Variants in DCC observed in about 807,000 individuals in gnomAD.
DCC encodes the protein netrin receptor DCC.
DCC carries 58 observed loss-of-function variants against 172.5 expected under a neutral mutation model. The ratio of observed to expected loss-of-function variants is 0.34; its 90% confidence interval spans 0.27 to 0.42. The LOEUF (loss-of-function observed/expected upper bound fraction) is 0.42, where lower values mean the gene tolerates loss of function less well. Among genes scored for constraint, DCC ranks in the 10% least tolerant of loss-of-function variants. DCC has a pLI of 1.00. For synonymous variants in DCC, 709 were observed against 644.5 expected, an observed-to-expected ratio of 1.10 and a Z score of -1.52; for missense variants, 1,740 against 1,791.0, an observed-to-expected ratio of 0.97 and a Z score of 0.51.
intron 1 of DCC, among the ~76,000 whole-genome samples, chr18:52,619,487 G>A (rs554623396): frequency 6.6e-6 from 1 of 152,286 alleles, no homozygotes; most frequent in African/African-American, 2.4e-5. Context: ...TTTTTGCCCA[G>A]TGGTAACATT....
intron 1 of DCC, among the ~76,000 whole-genome samples, chr18:52,470,708 C>T (rs936378772): frequency 1.3e-5 from 2 of 152,162 alleles, no homozygotes; most frequent in Non-Finnish European, 2.9e-5. Flanking sequence ...TCCCAACACA[C>T]AAAATAAACA....
At chr18:53,499,977 A>G (rs914521214) in intron 27 of DCC, among the ~76,000 whole-genome samples, 7 of 152,224 alleles carry the variant, frequency 4.6e-5, no homozygotes, top group Admixed American at 4.6e-4. Flanking sequence ...TTTATTTCAG[A>G]GTACTAGGCC....
intron 5 of DCC, among the ~76,000 whole-genome samples, chr18:52,928,326 A>G (rs954146111): frequency 6.6e-6 from 1 of 152,128 alleles, no homozygotes; most frequent in African/African-American, 2.4e-5. Context: ...CCAAAAAACT[A>G]TCGAGCACTA....
At chr18:53,290,606 A>T (rs148268498) in intron 12 of DCC, among the ~76,000 whole-genome samples, 1 of 152,250 alleles carries the variant, frequency 6.6e-6, no homozygotes, top group South Asian at 2.1e-4. Flanking sequence ...TTGCTTGAAG[A>T]TAGGCCGCTG....
chr18:53,449,630 A>G (rs1263313727), intron 22 of DCC, among the ~76,000 whole-genome samples: 2 of 152,216 alleles, frequency 1.3e-5, no homozygotes, highest in African/African-American at 4.8e-5. Flanking sequence ...GTGTTTCCTC[A>G]TAAACCATAG....
chr18:52,670,364 C>T (rs961716026), intron 1 of DCC, among the ~76,000 whole-genome samples: 1 of 152,140 alleles, frequency 6.6e-6, no homozygotes, highest in Admixed American at 6.5e-5. Flanking sequence ...ACTTAAGTGA[C>T]TCAGTCCTAA....
intron 17 of DCC, among the ~76,000 whole-genome samples, chr18:53,393,906 T>C (rs1421669809): frequency 7.1e-6 from 1 of 140,154 alleles, no homozygotes; most frequent in East Asian, 2.1e-4. Context: ...ATTCCCTCTC[T>C]CTCTCTCCCT....
chr18:53,405,866 G>C (rs1421381824), intron 19 of DCC, among the ~76,000 whole-genome samples: 1 of 152,098 alleles, frequency 6.6e-6, no homozygotes, highest in African/African-American at 2.4e-5. Context: ...AAATAAGCAA[G>C]AAGTGGCAGA....
chr18:52,386,149 C>T (rs1354740918), intron 1 of DCC, among the ~76,000 whole-genome samples: 2 of 152,042 alleles, frequency 1.3e-5, no homozygotes, highest in Non-Finnish European at 2.9e-5. Flanking sequence ...AAAACAGAGG[C>T]TCTGGGAGCC....
intron 12 of DCC, among the ~76,000 whole-genome samples, chr18:53,256,967 TG>T (rs1245080402): frequency 2.6e-5 from 4 of 152,212 alleles, no homozygotes; most frequent in African/African-American, 9.6e-5. Flanking sequence ...TTATTCTCTT[TG>T]AAGCAATTGT....
chr18:52,976,455 G>A (rs2041119758), intron 5 of DCC, among the ~76,000 whole-genome samples: 1 of 152,012 alleles, frequency 6.6e-6, no homozygotes, highest in South Asian at 2.1e-4. Flanking sequence ...TGCCTAGGTT[G>A]TAGGACCCCA....
intron 1 of DCC, among the ~76,000 whole-genome samples, chr18:52,516,145 G>A (rs1004675777): frequency 5.9e-5 from 9 of 152,028 alleles, no homozygotes; most frequent in Non-Finnish European, 1.3e-4. Flanking sequence ...ATTGCTGGTG[G>A]CATGTAAAAT....
Position 53,446,098 on chromosome 18 carries a change from C to CAAAA in DCC, c.3230-4389_3230-4386dup, listed in dbSNP as rs1246126122. ...GCAACATAAGAAGACCCTGTCTCTACAAAAAAAAAAAAAAAACAAAAAAAA... is the reference window on the plus strand; with the variant it reads ...GCAACATAAGAAGACCCTGTCTCTACAAAAAAAAAAAAAAAAAAAACAAAAAAAA... On this transcript the variant is annotated intron_variant, in intron 22 of 28. Transcript: ENST00000442544. Among the ~76,000 whole-genome samples the CAAAA allele has an allele frequency of 3.0e-3, 98 of 32,234 alleles. 2 individuals are homozygous for CAAAA. The highest frequency in any genetic ancestry group is 0.013 in the Admixed American group (40 of 3,158). The allele number at this position is 32,234 out of a possible 152,430, so 21.1% of individuals were successfully genotyped here. A position where few individuals can be genotyped will look rare whatever the true frequency, so the allele number is the denominator to read the frequency against.
chr18:53,060,932 T>C (rs1270266065), intron 5 of DCC, among the ~76,000 whole-genome samples: 1 of 152,022 alleles, frequency 6.6e-6, no homozygotes, highest in African/African-American at 2.4e-5. Flanking sequence ...AATAAGGAAA[T>C]AACAAAATTG....
At chr18:52,954,906 G>A (rs947976348) in intron 5 of DCC, among the ~76,000 whole-genome samples, 2 of 152,090 alleles carry the variant, frequency 1.3e-5, no homozygotes, top group South Asian at 2.1e-4. Flanking sequence ...TAAACTTTAC[G>A]AACAGGTTTA....
intron 5 of DCC, among the ~76,000 whole-genome samples, chr18:53,004,537 T>C (rs554520302): frequency 5.3e-5 from 8 of 152,168 alleles, no homozygotes; most frequent in Non-Finnish European, 1.0e-4. Flanking sequence ...ATTTTAAAAA[T>C]GCAAGAATAT....
intron 1 of DCC, among the ~76,000 whole-genome samples, chr18:52,429,600 A>G (rs1172792699): frequency 6.6e-6 from 1 of 152,126 alleles, no homozygotes; most frequent in Non-Finnish European, 1.5e-5. Context: ...ACAAATAGCA[A>G]CAAGGCTTCT....
At chr18:52,572,112 AGT>A (rs1403949303) in intron 1 of DCC, among the ~76,000 whole-genome samples, 1 of 152,224 alleles carries the variant, frequency 6.6e-6, no homozygotes, top group East Asian at 1.9e-4. Context: ...GAACATCCAA[AGT>A]CATATTATGT....
chr18:52,591,791 T>A lies in DCC; in HGVS notation c.92-160263T>A, dbSNP rs188040901. 8.5e-3 allele frequency among the ~76,000 whole-genome samples: 1,256 copies of A among 148,548 alleles called. 19 individuals carry two copies. The highest frequency in any genetic ancestry group is 0.03 in the African/African-American group (1,215 of 40,272). ...TTTTTCTTTCTTTATTTATTTCTTT[T>A]TTTTTTTTTTTTCGGTAGTAACGGA... On this transcript the variant is annotated intron_variant, in intron 1 of 28. Transcript: ENST00000442544.
Sources: gnomAD v4.1 joint callset for allele counts (sites outside exome capture counted in the v4.1 genomes callset) on GRCh38, gnomAD v4.1.1 for gene constraint, MANE v1.5 for transcripts, NCBI Gene and HGNC (gene_info 2026-07-23, HGNC 2026-07-21) for gene names.